The following MRPL57 variants were observed in gnomAD, a reference collection of about 807,000 sequenced individuals.
MRPL57 encodes the protein large ribosomal subunit protein mL63.
In MRPL57, 1 loss-of-function variant was observed where a neutral mutation model predicts 1.3. The ratio of observed to expected loss-of-function variants is 0.79; its 90% CI spans 0.28 to 3.75. The LOEUF (loss-of-function observed/expected upper bound fraction) is 3.75, where lower values mean the gene tolerates loss of function less well. Among genes scored for constraint, MRPL57 ranks in the 30% most tolerant of loss-of-function variants. MRPL57 has a pLI of 0.19. For synonymous variants in MRPL57, 79 were observed against 61.7 expected (o/e 1.28, Z -1.31); for missense variants, 170 against 148.9 (o/e 1.14, Z -0.74).
chr13:21,177,193 G>C lies in MRPL57; in HGVS notation c.277G>C (p.Asp93His), dbSNP rs1871628440. ...PPHRFIADQL[D>H]HLNVTKKWS ...GCATAGATTCATTGCGGACCAGCTC[G>C]ACCATCTCAATGTCACCAAGAAATG... Residue 93 changes from aspartate (D) to histidine (H), a missense_variant, in exon 2 of 2, where the codon GAC (aspartate) becomes CAC (histidine). Physicochemically the swap from Asp to His is moderately conservative, Grantham distance 81. Coordinates refer to ENST00000309594, the MANE Select transcript of MRPL57 (RefSeq NM_024026.5). The C allele has an allele frequency of 1.2e-6, 2 of 1,613,950 alleles. No individual in the cohort carries two copies. The highest frequency in any genetic ancestry group is 1.7e-6 in the Non-Finnish European group (2 of 1,180,052).
rs1335223319 is a variant in MRPL57 at position 21,178,798 on chromosome 13, A to T, written c.*1573A>T. 6.5e-6 allele frequency: 1 copy of T among 154,382 alleles called. No individual in the cohort carries two copies. The highest frequency in any genetic ancestry group is 6.6e-5 in the Admixed American group (1 of 15,258). 9.6% of individuals were successfully genotyped at this position (154,382 alleles called of 1,614,324 possible). A position where few individuals can be genotyped will look rare whatever the true frequency, so the allele number is the denominator to read the frequency against. On this transcript the variant is annotated 3_prime_UTR_variant, in exon 2 of 2. Coordinates refer to ENST00000309594, the MANE Select transcript of MRPL57 (RefSeq NM_024026.5). ...GTGAAACCCCATCTCTACTAAAAAT[A>T]TAAAAATCAGCAAAAAAAATTTAGC...
At position 21,177,025 on chromosome 13, in the gene MRPL57, C is replaced by T. The variant is rs117575190; in HGVS notation, c.109C>T (p.Arg37Cys). ...GTTGCGCGCCAAGCAGAACATGATC[C>T]GCCGCCTGGAGATCGAGGCGGAGAA... ...VSLRAKQNMI[R>C]RLEIEAENHY... The change falls in exon 2 of 2, where the codon CGC becomes TGC. Residue 37 changes from arginine to cysteine, a missense_variant. Coordinates refer to ENST00000309594, the MANE Select transcript of MRPL57 (RefSeq NM_024026.5). 18,741 of 1,613,278 alleles carry T rather than the reference C, an allele frequency of 0.012. 131 individuals carry two copies. Among genetic ancestry groups the T allele is most frequent in the Non-Finnish European group, 0.014 (16,104 of 1,179,986 alleles).
chr13:21,176,935 C>G lies in MRPL57; in HGVS notation c.19C>G (p.Leu7Val), dbSNP rs780325852. Residue 7 changes from leucine to valine, a missense_variant, in exon 2 of 2, where the codon CTC becomes GTC. Leu to Val is a conservative substitution (Grantham distance 32). Coordinates refer to ENST00000309594, the MANE Select transcript of MRPL57 (RefSeq NM_024026.5). ...AGGCACCATGTTCCTGACTGCGCTCCTCTGGCGCGGCCGCATTCCCGGCCG... is the reference window on the plus strand; with the variant it reads ...AGGCACCATGTTCCTGACTGCGCTCGTCTGGCGCGGCCGCATTCCCGGCCG... MFLTAL[L>V]WRGRIPGRQW... is the part of the protein sequence containing the mutation. 1 of 1,610,174 alleles carries G rather than the reference C, an allele frequency of 6.2e-7. No individual in the cohort carries two copies. The highest frequency in any genetic ancestry group is 1.1e-5 in the South Asian group (1 of 91,058).
intron 1 of MRPL57, 83 bp downstream of exon 1, chr13:21,176,800 G>A (rs1871582112): frequency 2.7e-6 from 3 of 1,131,280 alleles, no homozygotes; most frequent in Non-Finnish European, 3.7e-6. Context: ...TTCTCTGGAG[G>A]GGAGGCGGTG....
rs1871731383 is a variant in MRPL57 at position 21,178,999 on chromosome 13, T to C, written c.*1774T>C. 6.0e-6 allele frequency: 1 copy of C among 166,918 alleles called. No individual in the cohort carries two copies. The highest frequency in any genetic ancestry group is 1.5e-5 in the Non-Finnish European group (1 of 68,088). The allele number at this position is 166,918 out of a possible 1,614,324, so 10.3% of individuals were successfully genotyped here. On this transcript the variant is annotated 3_prime_UTR_variant, in exon 2 of 2. Transcript: ENST00000309594. Reference sequence around the variant, plus strand: ...ATACATATAATAATATAAATAAAAATATCTTTTTTGAAAATAATTTAATAT... The same window carrying C: ...ATACATATAATAATATAAATAAAAACATCTTTTTTGAAAATAATTTAATAT...
At chr13:21,176,839 C>G (rs1302980941) in intron 1 of MRPL57, 73 bp from the exon 2 acceptor site, 2 of 1,482,352 alleles carry the variant, frequency 1.3e-6, no homozygotes, top group East Asian at 4.6e-5. Context: ...TGAGCTGGAG[C>G]GCGCGCCCGC....
intron 1 of MRPL57, 34 bp downstream of exon 1, chr13:21,176,751 G>A (rs9550716): frequency 0.28 from 205,749 of 737,122 alleles, 31,259 homozygotes; most frequent in African/African-American, 0.45. Context: ...TCTCTAGGGA[G>A]CTCCTTCTTC....
At position 21,179,034 on chromosome 13, in the gene MRPL57, T is replaced by C. The variant is rs1352313025; in HGVS notation, c.*1809T>C. The stretch of plus-strand genomic sequence containing the variant: ...GAAAATAATTTAATATACCATGTAA[T>C]TTACCAGTTGAAGATGTTCGCTTTC... On this transcript the variant is annotated 3_prime_UTR_variant, in exon 2 of 2. Transcript: ENST00000309594. The C allele has an allele frequency of 6.0e-6, 1 of 167,034 alleles. No homozygotes were observed. Among genetic ancestry groups the C allele is most frequent in the Non-Finnish European group, 1.5e-5 (1 of 68,124 alleles). 10.3% of individuals were successfully genotyped at this position (167,034 alleles called of 1,614,324 possible).
In MRPL57 at chr13:21,177,929, T is replaced by A. The variant is rs893524634; in HGVS notation, c.*704T>A. 6.1e-6 allele frequency: 1 copy of A among 163,314 alleles called. No homozygotes were observed. Among genetic ancestry groups the A allele is most frequent in the Non-Finnish European group, 1.5e-5 (1 of 68,110 alleles). 10.1% of individuals were successfully genotyped at this position (163,314 alleles called of 1,614,324 possible). On this transcript the variant is annotated 3_prime_UTR_variant, in exon 2 of 2. Coordinates refer to ENST00000309594, the MANE Select transcript of MRPL57 (RefSeq NM_024026.5). The stretch of plus-strand genomic sequence containing the variant: ...GGTTGCAATGAAGCGGAGGTTGCAG[T>A]GAGCCGAGAGCATGCCGCTGCACTC...
Position 21,178,984 on chromosome 13 carries a change from TAATATA to T in MRPL57, c.*1764_*1769del, listed in dbSNP as rs1871730880. The T allele has an allele frequency of 6.0e-6, 1 of 166,858 alleles. No individual in the cohort carries two copies. Among genetic ancestry groups the T allele is most frequent in the Admixed American group, 6.6e-5 (1 of 15,242 alleles). The allele number at this position is 166,858 out of a possible 1,614,324, so 10.3% of individuals were successfully genotyped here. A position where few individuals can be genotyped will look rare whatever the true frequency, so the allele number is the denominator to read the frequency against. On this transcript the variant is annotated 3_prime_UTR_variant, in exon 2 of 2. Coordinates refer to ENST00000309594, the MANE Select transcript of MRPL57 (RefSeq NM_024026.5). ...ACACCATCTCAAAAAATACATATAATAATATAAATAAAAATATCTTTTTTGAAAATA... is the reference window on the plus strand; with the variant it reads ...ACACCATCTCAAAAAATACATATAATAATAAAAATATCTTTTTTGAAAATA...
rs375635314 is a variant in MRPL57 at position 21,176,897 on chromosome 13, C to G, written c.-5-15C>G. 83 of 1,598,524 alleles carry G rather than the reference C, an allele frequency of 5.2e-5. No homozygotes were observed. The African/African-American group carries it at 8.3e-4, about 16-fold the overall frequency. On this transcript the variant is annotated splice_polypyrimidine_tract_variant and intron_variant, in intron 1 of 1. Transcript: ENST00000309594. ...GCCAGTTCGCCTCCGCAAAGCCCGT[C>G]CCTCTCTTCCGCAGGCACCATGTTC...
chr13:21,177,115 A>C lies in MRPL57; in HGVS notation c.199A>C (p.Arg67=). The change falls in exon 2 of 2, where the codon AGG becomes CGG. Residue 67 remains arginine, a synonymous_variant. Coordinates refer to ENST00000309594, the MANE Select transcript of MRPL57 (RefSeq NM_024026.5). Reference sequence around the variant, plus strand: ...GGAGCGCGGCCACGCCGCGGTGCGCAGGAGGGAGGCCTTCGAGGCCATAAA... The same window carrying C: ...GGAGCGCGGCCACGCCGCGGTGCGCCGGAGGGAGGCCTTCGAGGCCATAAA... ...EQERGHAAVR[R]REAFEAIKAA... is the part of the protein sequence containing the mutation. 6.2e-7 allele frequency: 1 copy of C among 1,613,928 alleles called. No homozygotes were observed. Among genetic ancestry groups the C allele is most frequent in the South Asian group, 1.1e-5 (1 of 91,092 alleles).
In MRPL57 at chr13:21,177,212, A is replaced by G; in HGVS notation, c.296A>G (p.Lys99Arg). Reference protein sequence around the residue: ...ADQLDHLNVTKKWS With the variant: ...ADQLDHLNVTRKWS Reference sequence around the variant, plus strand: ...CAGCTCGACCATCTCAATGTCACCAAGAAATGGTCCTAATCCTGAGTCGTC... The same window carrying G: ...CAGCTCGACCATCTCAATGTCACCAGGAAATGGTCCTAATCCTGAGTCGTC... The change falls in exon 2 of 2, where the codon AAG becomes AGG. Residue 99 changes from lysine to arginine, a missense_variant. Lys to Arg is a conservative substitution (Grantham distance 26, BLOSUM62 2). Transcript: ENST00000309594. The G allele has an allele frequency of 6.2e-7, 1 of 1,613,916 alleles. No individual in the cohort carries two copies. The highest frequency in any genetic ancestry group is 8.5e-7 in the Non-Finnish European group (1 of 1,180,040).
rs1871721383 is a variant in MRPL57 at position 21,178,817 on chromosome 13, A to G, written c.*1592A>G. 6.4e-6 allele frequency: 1 copy of G among 157,054 alleles called. No individual in the cohort carries two copies. The highest frequency in any genetic ancestry group is 2.4e-5 in the African/African-American group (1 of 41,404). The allele number at this position is 157,054 out of a possible 1,614,324, so 9.7% of individuals were successfully genotyped here. A position where few individuals can be genotyped will look rare whatever the true frequency, so the allele number is the denominator to read the frequency against. On this transcript the variant is annotated 3_prime_UTR_variant, in exon 2 of 2. Transcript: ENST00000309594. ...AAAAATATAAAAATCAGCAAAAAAA[A>G]TTTAGCCAGGCTTGGTCATGCATGC...
Position 21,178,857 on chromosome 13 carries a change from A to G in MRPL57, c.*1632A>G, listed in dbSNP as rs1387456434. The G allele has an allele frequency of 6.1e-6, 1 of 164,080 alleles. No individual in the cohort carries two copies. Among genetic ancestry groups the G allele is most frequent in the Non-Finnish European group, 1.5e-5 (1 of 68,132 alleles). The allele number at this position is 164,080 out of a possible 1,614,324, so 10.2% of individuals were successfully genotyped here. A position where few individuals can be genotyped will look rare whatever the true frequency, so the allele number is the denominator to read the frequency against. On this transcript the variant is annotated 3_prime_UTR_variant, in exon 2 of 2. Transcript: ENST00000309594. ...GTCATGCATGCCTGTAATCCTAGCT[A>G]CTGGGAAGGCTGAGGAAGGAGAATT...
chr13:21,177,586 C>T lies in MRPL57; in HGVS notation c.*361C>T, dbSNP rs1055801993. 1 of 234,732 alleles carries T rather than the reference C, an allele frequency of 4.3e-6. No homozygotes were observed. Among genetic ancestry groups the T allele is most frequent in the African/African-American group, 2.3e-5 (1 of 42,788 alleles). The allele number at this position is 234,732 out of a possible 1,614,324, so 14.5% of individuals were successfully genotyped here. Reference sequence around the variant, plus strand: ...ATTAGTTTGCTTACCTTAAGAATTGCCCAAAAATGAAAGAAAATATGAGCT... The same window carrying T: ...ATTAGTTTGCTTACCTTAAGAATTGTCCAAAAATGAAAGAAAATATGAGCT... On this transcript the variant is annotated 3_prime_UTR_variant, in exon 2 of 2. Coordinates refer to ENST00000309594, the MANE Select transcript of MRPL57 (RefSeq NM_024026.5).
rs1239538285 is a variant in MRPL57 at position 21,177,800 on chromosome 13, C to T, written c.*575C>T. On this transcript the variant is annotated 3_prime_UTR_variant, in exon 2 of 2. Transcript: ENST00000309594. The stretch of plus-strand genomic sequence containing the variant: ...GCTTGGCCAAGGTGATAAAACCCGT[C>T]TCTACTAATACAAAAAAAATTAGCT... The T allele has an allele frequency of 6.0e-6, 1 of 167,558 alleles. No homozygotes were observed. Among genetic ancestry groups the T allele is most frequent in the African/African-American group, 2.4e-5 (1 of 41,238 alleles). 10.4% of individuals were successfully genotyped at this position (167,558 alleles called of 1,614,324 possible). A position where few individuals can be genotyped will look rare whatever the true frequency, so the allele number is the denominator to read the frequency against.
In MRPL57 at chr13:21,178,166, A is replaced by T. The variant is rs1421521495; in HGVS notation, c.*941A>T. 6.5e-6 allele frequency: 1 copy of T among 154,832 alleles called. No individual in the cohort carries two copies. The allele number at this position is 154,832 out of a possible 1,614,324, so 9.6% of individuals were successfully genotyped here. On this transcript the variant is annotated 3_prime_UTR_variant, in exon 2 of 2. Coordinates refer to ENST00000309594, the MANE Select transcript of MRPL57 (RefSeq NM_024026.5). ...TAACAATAATATATGGCCAGGCGGG[A>T]TGGCTCACGCCTGTAATCCCAGCAC...
rs1047283042 is a variant in MRPL57 at position 21,177,604 on chromosome 13, T to C, written c.*379T>C. 4.4e-6 allele frequency: 1 copy of C among 227,346 alleles called. No individual in the cohort carries two copies. Among genetic ancestry groups the C allele is most frequent in the Non-Finnish European group, 9.3e-6 (1 of 107,700 alleles). The allele number at this position is 227,346 out of a possible 1,614,324, so 14.1% of individuals were successfully genotyped here. On this transcript the variant is annotated 3_prime_UTR_variant, in exon 2 of 2. Coordinates refer to ENST00000309594, the MANE Select transcript of MRPL57 (RefSeq NM_024026.5). ...AGAATTGCCCAAAAATGAAAGAAAA[T>C]ATGAGCTTTTCAGTTAAACATACTC... is the stretch of plus-strand genomic sequence containing the variant.
Sources: gnomAD v4.1 joint callset for allele counts on GRCh38, gnomAD v4.1.1 for gene constraint, MANE v1.5 for transcripts, NCBI Gene and HGNC (gene_info 2026-07-23, HGNC 2026-07-21) for gene names.